The following MLXIPL variants were observed in gnomAD, a reference collection of about 807,000 sequenced individuals.
MLXIPL encodes carbohydrate-responsive element-binding protein.
MLXIPL carries 49 observed loss-of-function variants against 81.5 expected under a neutral mutation model. That is an observed-to-expected ratio of 0.60 (90% CI 0.48 to 0.76). MLXIPL has a LOEUF of 0.76. Ranked by LOEUF, MLXIPL falls within the 30% of genes least tolerant of loss-of-function variation. The pLI, the probability that MLXIPL is intolerant of heterozygous loss-of-function variation, is 0.00. For synonymous variants in MLXIPL, 466 were observed against 485.5 expected (o/e 0.96, Z 0.53); for missense variants, 1,053 against 1,167.0 (o/e 0.90, Z 1.42).
Position 73,593,398 on chromosome 7 carries a change from G to A in MLXIPL, c.*467C>T, listed in dbSNP as rs1377007827. The stretch of plus-strand genomic sequence containing the variant: ...GTCAGCAGTGAAGGAGCAGAGAGAG[G>A]GAACCTCCTTTTCTGCTTCTCTGCT... On this transcript the variant is annotated 3_prime_UTR_variant, in exon 17 of 17. Transcript: ENST00000313375. 3 of 242,518 alleles carry A rather than the reference G, an allele frequency of 1.2e-5. No individual in the cohort carries two copies. The highest frequency in any genetic ancestry group is 2.5e-5 in the Non-Finnish European group (3 of 121,536). The allele number at this position is 242,518 out of a possible 1,614,324, so 15.0% of individuals were successfully genotyped here.
At chr7:73,624,060 A>G (rs1796555148) in intron 1 of MLXIPL, 140 bp downstream of exon 1, 10 of 1,194,854 alleles carry the variant, frequency 8.4e-6, no homozygotes, top group East Asian at 8.2e-5. Flanking sequence ...GGGGGTGTCC[A>G]GGGCGTGATC....
At chr7:73,595,605 AG>A in intron 15 of MLXIPL, 31 bp downstream of exon 15, 1 of 1,614,068 alleles carries the variant, frequency 6.2e-7, no homozygotes, top group Non-Finnish European at 8.5e-7. Flanking sequence ...CAGCCCCTGC[AG>A]CCCCCCAGCC....
In MLXIPL at chr7:73,624,476, G is replaced by A; in HGVS notation, c.17C>T (p.Ala6Val). ...GACCTGCAAGCCCGCGGCCAGACCT[G>A]CCAGCGCGCCGGCCATGGCTGTCGC... MAGAL[A>V]GLAAGLQVPR... Residue 6 changes from alanine to valine, a missense_variant, in exon 1 of 17, where the codon GCA (alanine) becomes GTA (valine). Transcript: ENST00000313375. 2 of 1,531,126 alleles carry A rather than the reference G, an allele frequency of 1.3e-6. No individual in the cohort carries two copies. The highest frequency in any genetic ancestry group is 1.4e-5 in the African/African-American group (1 of 71,878). 94.8% of individuals were successfully genotyped at this position (1,531,126 alleles called of 1,614,324 possible).
chr7:73,594,459 G>C (rs2116137664), intron 15 of MLXIPL, 56 bp from the exon 16 acceptor site: 1 of 1,597,638 alleles, frequency 6.3e-7, no homozygotes, highest in East Asian at 2.2e-5. Flanking sequence ...ACACCACGTG[G>C]AGCCCTGATG....
rs1330322455 is a variant in MLXIPL, at chr7:73,596,974, C to T, written c.1604-42G>A. On this transcript the variant is annotated intron_variant, in intron 9 of 16. Transcript: ENST00000313375. The surrounding 1 kb of genome is among the most constrained non-coding windows in gnomAD (Gnocchi z 4.7). ...CCGTGAGGCTACTGGGGCTGGCCCA[C>T]CCCCGGCATCTATCAAGACCCCATC... The T allele has an allele frequency of 1.3e-6, 2 of 1,585,330 alleles. No homozygotes were observed. The highest frequency in any genetic ancestry group is 1.8e-5 in the Admixed American group (1 of 55,110).
the MLXIPL span, among the ~76,000 whole-genome samples, chr7:73,645,336 G>A: frequency 1.3e-5 from 2 of 152,224 alleles, no homozygotes; most frequent in African/African-American, 4.8e-5. Flanking sequence ...CCCTAGGGCA[G>A]TAGTTGTCTG....
chr7:73,595,578 C>T, intron 15 of MLXIPL, 59 bp downstream of exon 15: 2 of 1,613,776 alleles, frequency 1.2e-6, no homozygotes, highest in Non-Finnish European at 8.5e-7. Context: ...CAGGCCCAGC[C>T]TGGTCTCACC....
intron 1 of MLXIPL, among the ~76,000 whole-genome samples, chr7:73,619,637 C>A (rs1375743197): frequency 6.8e-6 from 1 of 147,354 alleles, no homozygotes; most frequent in East Asian, 2.1e-4. Flanking sequence ...TCATAAAAAA[C>A]AAGTAAATTC....
Position 73,594,006 on chromosome 7 carries a change from G to GAGAC in MLXIPL, c.2441-27_2441-24dup, listed in dbSNP as rs562544986. 1.0e-4 allele frequency: 159 copies of GAGAC among 1,591,692 alleles called. 1 individual carries two copies. In the East Asian group the frequency reaches 3.4e-3, roughly 34 times the overall value. On this transcript the variant is annotated intron_variant, in intron 16 of 16. Transcript: ENST00000313375. ...CAGCTGGGTGGGAGACAGAGAGAGAGAGACAGACACTTCCTGGGGTCAGGG... is the reference window on the plus strand; with the variant it reads ...CAGCTGGGTGGGAGACAGAGAGAGAGAGACAGACAGACACTTCCTGGGGTCAGGG...
Position 73,595,900 on chromosome 7 carries a change from A to G in MLXIPL, c.2128T>C (p.Leu710=). ...CGCAGCTGCTGGGCCTCCTCCTGCA[A>G]GCCCGCACGCTCCTGCTGTAGCATA... is the stretch of plus-strand genomic sequence containing the variant. The part of the protein sequence containing the change: ...ILMLQQERAG[L]QEEAQQLRDE... Residue 710 remains leucine, a synonymous_variant, in exon 14 of 17, where the codon TTG becomes CTG. Transcript: ENST00000313375. 2 of 1,613,202 alleles carry G rather than the reference A, an allele frequency of 1.2e-6. No homozygotes were observed. Among genetic ancestry groups the G allele is most frequent in the Non-Finnish European group, 1.7e-6 (2 of 1,179,874 alleles).
upstream of MLXIPL, among the ~76,000 whole-genome samples, chr7:73,625,568 C>G (rs1796692037): frequency 6.6e-6 from 1 of 152,114 alleles, no homozygotes; most frequent in Non-Finnish European, 1.5e-5. Flanking sequence ...ACCAGCCTGG[C>G]TAACATGGAG....
the MLXIPL span, among the ~76,000 whole-genome samples, chr7:73,632,042 G>A: frequency 1.3e-5 from 2 of 150,648 alleles, no homozygotes; most frequent in African/African-American, 4.9e-5. Context: ...TAGGTTGCTG[G>A]AGTGCAGTGA....
intron 2 of MLXIPL, 55 bp from the exon 3 acceptor site, chr7:73,607,727 C>T (rs1026674642): frequency 4.6e-6 from 7 of 1,511,874 alleles, no homozygotes; most frequent in Non-Finnish European, 6.4e-6. Context: ...CCCACCTCAC[C>T]CCAGGGGACT....
At chr7:73,647,412 T>C in the MLXIPL span, among the ~76,000 whole-genome samples, 23 of 152,126 alleles carry the variant, frequency 1.5e-4, no homozygotes, top group African/African-American at 4.6e-4. Flanking sequence ...CCCTCCTGAC[T>C]CCCTGGGCCC....
At chr7:73,642,603 G>T in the MLXIPL span, among the ~76,000 whole-genome samples, 1 of 152,104 alleles carries the variant, frequency 6.6e-6, no homozygotes, top group Non-Finnish European at 1.5e-5. Flanking sequence ...TGATCCACCC[G>T]CCTCAGCTTC....
chr7:73,602,523 T>A (rs1279180348), intron 7 of MLXIPL, among the ~76,000 whole-genome samples: 2 of 148,016 alleles, frequency 1.4e-5, no homozygotes, highest in African/African-American at 5.0e-5. Context: ...AAAAAAAAAA[T>A]ACAAAAATTA....
Position 73,596,611 on chromosome 7 carries a change from C to A in MLXIPL, c.1822+28G>T. The A allele has an allele frequency of 6.2e-7, 1 of 1,604,374 alleles. No homozygotes were observed. Among genetic ancestry groups the A allele is most frequent in the Admixed American group, 1.7e-5 (1 of 58,880 alleles). Reference sequence around the variant, plus strand: ...CCTCTTCCCCTCATCCCCTAGATTCCCCCAATCCCTGCAACCCCTCTCTTT... The same window carrying A: ...CCTCTTCCCCTCATCCCCTAGATTCACCCAATCCCTGCAACCCCTCTCTTT... On this transcript the variant is annotated intron_variant, in intron 11 of 16. Transcript: ENST00000313375. This position sits in a 1 kb window ranked among gnomAD's most constrained non-coding sequence, Gnocchi z 4.7.
At chr7:73,638,875 G>A in the MLXIPL span, among the ~76,000 whole-genome samples, 5 of 152,010 alleles carry the variant, frequency 3.3e-5, no homozygotes, top group African/African-American at 7.2e-5. Flanking sequence ...CACCCACCTC[G>A]GCCTTCTGGG....
At chr7:73,607,071 C>G (rs1795339126) in intron 4 of MLXIPL, 53 bp from the exon 5 acceptor site, 1 of 1,596,536 alleles carries the variant, frequency 6.3e-7, no homozygotes, top group Non-Finnish European at 8.5e-7. Context: ...TCCTCCATCA[C>G]TTTCCCCCCA....
Sources: allele counts gnomAD v4.1 joint callset (sites outside exome capture counted in the v4.1 genomes callset), GRCh38; gene constraint gnomAD v4.1.1; non-coding constraint Gnocchi (gnomAD v3.1); transcripts MANE v1.5; gene names NCBI Gene and HGNC (gene_info 2026-07-23, HGNC 2026-07-21).